CXADR: variants seen among roughly 807,000 people sequenced by gnomAD.
CXADR encodes coxsackievirus and adenovirus receptor.
In CXADR, 20 loss-of-function variants were observed where a neutral mutation model predicts 40.3. The ratio of observed to expected loss-of-function variants is 0.50; its 90% CI spans 0.35 to 0.72. CXADR has a LOEUF of 0.72. Among genes scored for constraint, CXADR ranks in the 30% least tolerant of loss-of-function variants. The probability of loss-of-function intolerance (pLI) is 0.01; values close to 1 mark genes in which losing one functional copy is unlikely to be tolerated. For missense variants in CXADR, 332 were observed against 449.1 expected, an observed-to-expected ratio of 0.74 and a Z score of 2.36; for synonymous variants, 150 against 161.3, an observed-to-expected ratio of 0.93 and a Z score of 0.53.
rs768913442 is a variant in CXADR at position 17,565,552 on chromosome 21, C to G, written c.958C>G (p.Gln320Glu). 1 of 1,613,802 alleles carries G rather than the reference C, an allele frequency of 6.2e-7. No individual in the cohort carries two copies. Among genetic ancestry groups the G allele is most frequent in the Non-Finnish European group, 8.5e-7 (1 of 1,179,840 alleles). ...AGGATATTCCAAGACTCAGTATAACCAAGTACCAAGTGAAGACTTTGAACG... is the reference window on the plus strand; with the variant it reads ...AGGATATTCCAAGACTCAGTATAACGAAGTACCAAGTGAAGACTTTGAACG... Reference protein sequence around the residue: ...MEGYSKTQYNQVPSEDFERTP... With the variant: ...MEGYSKTQYNEVPSEDFERTP... Residue 320 changes from glutamine to glutamate, a missense_variant, in exon 7 of 7, where the codon CAA (glutamine) becomes GAA (glutamate). Around this residue, in one of 3 missense-constraint regions of CXADR, gnomAD observed 150 missense variants for 194.2 expected, o/e 0.77. Transcript: ENST00000284878.
chr21:17,616,902 T>C, the CXADR span, among the ~76,000 whole-genome samples: 1 of 152,220 alleles, frequency 6.6e-6, no homozygotes, highest in Non-Finnish European at 1.5e-5. Context: ...GCAGCAGTGA[T>C]TAAAGTATAA....
At chr21:17,556,585 A>T (rs913783551) in intron 3 of CXADR, among the ~76,000 whole-genome samples, 7 of 152,160 alleles carry the variant, frequency 4.6e-5, no homozygotes, top group African/African-American at 1.7e-4. Context: ...CTAATAAAGG[A>T]TTTATTGGTA....
rs186473514 is a variant in CXADR, at chr21:17,561,306, A to G, written c.695-32A>G. On this transcript the variant is annotated intron_variant, in intron 5 of 6. Transcript: ENST00000284878. ...AGTATCTATACATGTATATATGTATATATTTTTTACTATTAATTCTTCTTA... is the reference window on the plus strand; with the variant it reads ...AGTATCTATACATGTATATATGTATGTATTTTTTACTATTAATTCTTCTTA... 497 of 1,329,778 alleles carry G rather than the reference A, an allele frequency of 3.7e-4. 2 individuals carry two copies. In the African/African-American group the frequency reaches 4.2e-3, roughly 11 times the overall value. The allele number at this position is 1,329,778 out of a possible 1,614,324, so 82.4% of individuals were successfully genotyped here.
chr21:17,514,202 G>A (rs1264755217), intron 1 of CXADR, among the ~76,000 whole-genome samples: 1 of 152,008 alleles, frequency 6.6e-6, no homozygotes, highest in Non-Finnish European at 1.5e-5. Context: ...CCTCTGGAAG[G>A]GTAATTTTTT....
intron 1 of CXADR, among the ~76,000 whole-genome samples, chr21:17,520,798 G>C (rs895493873): frequency 3.3e-5 from 5 of 152,268 alleles, no homozygotes; most frequent in Middle Eastern, 3.4e-3. Context: ...GCTTGAATGA[G>C]TAGCATGAAA....
At chr21:17,577,813 C>A (rs1314375837) in intron 7 of CXADR, among the ~76,000 whole-genome samples, 2 of 151,774 alleles carry the variant, frequency 1.3e-5, no homozygotes, top group East Asian at 3.9e-4. Flanking sequence ...TTTCTCCCTC[C>A]CCGTTTCTCC....
rs573303691 is a variant in CXADR at position 17,587,478 on chromosome 21, C to T, written c.1018-5674C>T. 8.8e-3 allele frequency among the ~76,000 whole-genome samples: 1,343 copies of T among 152,298 alleles called. 8 individuals are homozygous for T. Among genetic ancestry groups the T allele is most frequent in the South Asian group, 0.035 (167 of 4,820 alleles). ...CTCAATGTGGTTTTGATTTGCATTT[C>T]TCTGATGGCCAGTGATGATGAGCAT... On this transcript the variant is annotated intron_variant, in intron 7 of 7. Coordinates refer to the CXADR transcript ENST00000400169.
At position 17,568,279 on chromosome 21, in the gene CXADR, T is replaced by C. The variant is rs943292145; in HGVS notation, c.*2587T>C. On this transcript the variant is annotated 3_prime_UTR_variant, in exon 7 of 7. Coordinates refer to ENST00000284878, the MANE Select transcript of CXADR (RefSeq NM_001338.5). ...GAGCAGCTGGGACTACAGGCTCCCATCACCACGCTCGGCTAAGTTTTTGTA... is the reference window on the plus strand; with the variant it reads ...GAGCAGCTGGGACTACAGGCTCCCACCACCACGCTCGGCTAAGTTTTTGTA... 6.3e-5 allele frequency: 50 copies of C among 794,084 alleles called. No individual in the cohort carries two copies. The highest frequency in any genetic ancestry group is 6.4e-4 in the Middle Eastern group (1 of 1,560). The allele number at this position is 794,084 out of a possible 1,614,324, so 49.2% of individuals were successfully genotyped here. A position where few individuals can be genotyped will look rare whatever the true frequency, so the allele number is the denominator to read the frequency against.
At chr21:17,608,200 T>C in the CXADR span, among the ~76,000 whole-genome samples, 13 of 151,990 alleles carry the variant, frequency 8.6e-5, no homozygotes, top group African/African-American at 2.4e-4. Context: ...ATCCCATCTA[T>C]ACAAAAAAAA....
At chr21:17,531,555 G>C (rs141875907) in intron 1 of CXADR, among the ~76,000 whole-genome samples, 58 of 152,244 alleles carry the variant, frequency 3.8e-4, no homozygotes, top group East Asian at 3.3e-3. Flanking sequence ...CTGCTGCTCT[G>C]TTGACTCTGA....
chr21:17,569,237 G>A lies in CXADR; in HGVS notation c.*3545G>A, dbSNP rs2061253911. The A allele has an allele frequency of 1.0e-6, 1 of 985,194 alleles. No homozygotes were observed. Among genetic ancestry groups the A allele is most frequent in the South Asian group, 4.7e-5 (1 of 21,296 alleles). 61.0% of individuals were successfully genotyped at this position (985,194 alleles called of 1,614,324 possible). A position where few individuals can be genotyped will look rare whatever the true frequency, so the allele number is the denominator to read the frequency against. On this transcript the variant is annotated 3_prime_UTR_variant, in exon 7 of 7. Transcript: ENST00000284878. Reference sequence around the variant, plus strand: ...TCAGCAGTGTTTAGGGCTTTCAGATGCCTTATTCCAGTGTGAACAGAAAAA... The same window carrying A: ...TCAGCAGTGTTTAGGGCTTTCAGATACCTTATTCCAGTGTGAACAGAAAAA...
intron 1 of CXADR, among the ~76,000 whole-genome samples, chr21:17,528,544 T>G (rs1019512757): frequency 7.9e-5 from 12 of 152,026 alleles, no homozygotes; most frequent in Non-Finnish European, 1.5e-4. Context: ...TAGCTGGGAC[T>G]ACAGGCATGC....
At chr21:17,513,382 C>G (rs1336646403) in intron 1 of CXADR, among the ~76,000 whole-genome samples, 3 of 151,626 alleles carry the variant, frequency 2.0e-5, no homozygotes, top group Admixed American at 2.0e-4. Context: ...GCGCAGGGCG[C>G]GCGGAGTGCC....
chr21:17,551,706 G>T (rs1419798212), intron 2 of CXADR, 43 bp from the exon 3 acceptor site: 7 of 1,538,164 alleles, frequency 4.6e-6, no homozygotes, highest in Admixed American at 3.9e-5. Flanking sequence ...TTTTTTTTGT[G>T]TGTGTTTGTT....
At chr21:17,577,594 G>A (rs1175531805) in intron 7 of CXADR, among the ~76,000 whole-genome samples, 2 of 121,506 alleles carry the variant, frequency 1.6e-5, no homozygotes, top group East Asian at 3.0e-4. Context: ...TTTCTCACAC[G>A]TCAGACCATT....
intron 1 of CXADR, among the ~76,000 whole-genome samples, chr21:17,530,114 A>ATTTTTT (rs56341807): frequency 0.018 from 1,689 of 94,876 alleles, 71 homozygotes; most frequent in Admixed American, 0.05. Flanking sequence ...ATGCCAGGCT[A>ATTTTTT]TTTTTTTTTT....
intron 1 of CXADR, among the ~76,000 whole-genome samples, chr21:17,536,671 A>G (rs1162910245): frequency 2.6e-5 from 4 of 152,230 alleles, no homozygotes; most frequent in Non-Finnish European, 5.9e-5. Context: ...CCTAGAGGAA[A>G]TGTATAAAAC....
At chr21:17,607,432 CTT>C in the CXADR span, among the ~76,000 whole-genome samples, 2 of 152,102 alleles carry the variant, frequency 1.3e-5, no homozygotes, top group Non-Finnish European at 2.9e-5. Flanking sequence ...TAAAAAATGA[CTT>C]GAGCCTGTGT....
At chr21:17,601,384 C>G in the CXADR span, among the ~76,000 whole-genome samples, 1 of 152,042 alleles carries the variant, frequency 6.6e-6, no homozygotes, top group Non-Finnish European at 1.5e-5. Flanking sequence ...AGAAGCTGGA[C>G]ATGGTAGCTT....
Sources: gnomAD v4.1 joint callset for allele counts (sites outside exome capture counted in the v4.1 genomes callset) on GRCh38, gnomAD v4.1.1 for gene constraint, gnomAD v4.1.1 regional missense constraint, MANE v1.5 for transcripts, NCBI Gene and HGNC (gene_info 2026-07-23, HGNC 2026-07-21) for gene names.